The following TMEM26 variants were observed in gnomAD, a reference collection of about 807,000 sequenced individuals.
The protein encoded by TMEM26 is transmembrane protein 26.
In TMEM26, 38 loss-of-function variants were observed where a neutral mutation model predicts 28.8. The observed-to-expected ratio is 1.32, with a 90% confidence interval of 1.02 to 1.73. The LOEUF is 1.73. TMEM26 is among the 40% of genes most tolerant of loss of function. The pLI, the probability that TMEM26 is intolerant of heterozygous loss-of-function variation, is 0.00. For missense variants in TMEM26, 518 were observed against 447.1 expected, an observed-to-expected ratio of 1.16 and a Z score of -1.43; for synonymous variants, 227 against 182.9, an observed-to-expected ratio of 1.24 and a Z score of -1.95.
At chr10:61,452,815 G>A (rs1564487253) in intron 1 of TMEM26, 76 bp downstream of exon 1, 2 of 1,505,404 alleles carry the variant, frequency 1.3e-6, no homozygotes. Flanking sequence ...CGGGTTGCGG[G>A]AAGATGGCCT....
Position 61,415,072 on chromosome 10 carries a change from A to C in TMEM26, c.606-1537T>G, listed in dbSNP as rs921051318. 6 of 985,336 alleles carry C rather than the reference A, an allele frequency of 6.1e-6. No individual in the cohort carries two copies. In the African/African-American group the frequency reaches 1.0e-4, roughly 17 times the overall value. The allele number at this position is 985,336 out of a possible 1,614,324, so 61.0% of individuals were successfully genotyped here. On this transcript the variant is annotated intron_variant, in intron 4 of 5. Coordinates refer to ENST00000399298, the MANE Select transcript of TMEM26 (RefSeq NM_178505.8). ...GGTGGACATTGATGGAAGGCTTCTC[A>C]CATGCACATATGGCATAGAACGTGG...
At chr10:61,420,689 TA>T (rs1303674697) in intron 4 of TMEM26, among the ~76,000 whole-genome samples, 1 of 151,088 alleles carries the variant, frequency 6.6e-6, no homozygotes, top group East Asian at 1.9e-4. Context: ...AATTATCCTT[TA>T]AACATGAAGG....
intron 2 of TMEM26, 93 bp from the exon 3 acceptor site, chr10:61,431,425 G>T: frequency 1.2e-6 from 1 of 869,100 alleles, no homozygotes; most frequent in Non-Finnish European, 1.9e-6. Flanking sequence ...GAGATTATGA[G>T]CAGATATGCA....
At chr10:61,416,243 C>A in intron 4 of TMEM26, 1 of 375,106 alleles carries the variant, frequency 2.7e-6, no homozygotes, top group South Asian at 2.1e-5. Flanking sequence ...CTACCAAAAA[C>A]TATGTGCAAT....
At chr10:61,426,354 A>G (rs770333211) in intron 4 of TMEM26, among the ~76,000 whole-genome samples, 15 of 152,142 alleles carry the variant, frequency 9.9e-5, no homozygotes, top group Non-Finnish European at 1.5e-4. Flanking sequence ...ATGGATAAAC[A>G]AATCTATAAT....
intron 1 of TMEM26, among the ~76,000 whole-genome samples, chr10:61,444,150 T>C (rs998036902): frequency 8.5e-5 from 13 of 152,206 alleles, no homozygotes; most frequent in Admixed American, 8.5e-4. Flanking sequence ...CTGCAGGCTT[T>C]CCACACTCTT....
At chr10:61,431,038 C>T (rs901897577) in intron 3 of TMEM26, among the ~76,000 whole-genome samples, 181 bp downstream of exon 3, 2 of 151,736 alleles carry the variant, frequency 1.3e-5, no homozygotes, top group Admixed American at 6.6e-5. Context: ...AATGTATATA[C>T]TTATGCATAT....
At chr10:61,411,984 C>G (rs1303643960) in intron 5 of TMEM26, among the ~76,000 whole-genome samples, 4 of 152,080 alleles carry the variant, frequency 2.6e-5, no homozygotes, top group Admixed American at 2.0e-4. Context: ...TACAAAATGT[C>G]TTTCTTAAAT....
chr10:61,438,196 G>C (rs1344470466), intron 1 of TMEM26, among the ~76,000 whole-genome samples: 3 of 152,054 alleles, frequency 2.0e-5, no homozygotes, highest in African/African-American at 7.2e-5. Context: ...AGCCAATTTT[G>C]AAACAAAAGG....
At chr10:61,438,521 T>C (rs1054772786) in intron 1 of TMEM26, among the ~76,000 whole-genome samples, 1 of 152,130 alleles carries the variant, frequency 6.6e-6, no homozygotes. Context: ...GTAACAATAA[T>C]AATCTAGGGA....
At chr10:61,427,642 T>C (rs934020389) in intron 4 of TMEM26, among the ~76,000 whole-genome samples, 1 of 152,074 alleles carries the variant, frequency 6.6e-6, no homozygotes, top group Non-Finnish European at 1.5e-5. Context: ...TTTCTTACAA[T>C]TTTATGACTG....
At chr10:61,451,433 C>T (rs1344271926) in intron 1 of TMEM26, among the ~76,000 whole-genome samples, 2 of 152,208 alleles carry the variant, frequency 1.3e-5, no homozygotes, top group African/African-American at 4.8e-5. Flanking sequence ...CCTCAGACTT[C>T]ATCTTTCTGT....
At position 61,413,274 on chromosome 10, in the gene TMEM26, T is replaced by C. The variant is rs138620351; in HGVS notation, c.682+185A>G. ...CTGCTCTACTATCTTAAGCTCACCG[T>C]GTACCACAGTGGATCCACTCTTCTT... On this transcript the variant is annotated intron_variant, in intron 5 of 5. Transcript: ENST00000399298. 1.3e-3 allele frequency among the ~76,000 whole-genome samples: 200 copies of C among 152,262 alleles called. 1 individual carries two copies. Among genetic ancestry groups the C allele is most frequent in the Non-Finnish European group, 2.4e-3 (164 of 67,966 alleles).
chr10:61,416,175 A>C (rs1252764422), intron 4 of TMEM26: 1 of 422,374 alleles, frequency 2.4e-6, no homozygotes, highest in Non-Finnish European at 4.6e-6. Flanking sequence ...CAATAGATGC[A>C]AAAGAAATTT....
intron 1 of TMEM26, among the ~76,000 whole-genome samples, chr10:61,450,614 G>T (rs1840260858): frequency 6.6e-6 from 1 of 152,050 alleles, no homozygotes; most frequent in South Asian, 2.1e-4. Context: ...CTCATTTGTT[G>T]CTGAAATTTT....
chr10:61,438,134 T>TA (rs898096671), intron 1 of TMEM26, among the ~76,000 whole-genome samples: 1 of 152,050 alleles, frequency 6.6e-6, no homozygotes, highest in Admixed American at 6.5e-5. Context: ...AGAGGTCTCT[T>TA]AAAAAATCAA....
chr10:61,412,313 G>T (rs187534239), intron 5 of TMEM26, among the ~76,000 whole-genome samples: 1 of 151,932 alleles, frequency 6.6e-6, no homozygotes, highest in East Asian at 1.9e-4. Context: ...TCCGTTTTTG[G>T]CATTTCTTAA....
rs143478598 is a variant in TMEM26, at chr10:61,443,048, C to T, written c.192-6800G>A. ...CTCATCATTACCTCCCTTCCCAAAGCCCTTTGCATGTGCCTGTTCCCTGGC... is the reference window on the plus strand; with the variant it reads ...CTCATCATTACCTCCCTTCCCAAAGTCCTTTGCATGTGCCTGTTCCCTGGC... On this transcript the variant is annotated intron_variant, in intron 1 of 5. Coordinates refer to ENST00000399298, the MANE Select transcript of TMEM26 (RefSeq NM_178505.8). Among the ~76,000 whole-genome samples the T allele has an allele frequency of 2.6e-5, 4 of 152,266 alleles. No homozygotes were observed. In the East Asian group the frequency reaches 7.7e-4, roughly 29 times the overall value.
chr10:61,419,149 A>C (rs1278521371), intron 4 of TMEM26, among the ~76,000 whole-genome samples: 1 of 152,110 alleles, frequency 6.6e-6, no homozygotes, highest in African/African-American at 2.4e-5. Flanking sequence ...AAACAGATGC[A>C]ACAAAATGAG....
Sources: gnomAD v4.1 joint callset for allele counts (sites outside exome capture counted in the v4.1 genomes callset) on GRCh38, gnomAD v4.1.1 for gene constraint, MANE v1.5 for transcripts, NCBI Gene and HGNC (gene_info 2026-07-23, HGNC 2026-07-21) for gene names.